Variants in TRPM7 observed in about 807,000 individuals in gnomAD.
The protein encoded by TRPM7 is LTRPC ion channel family member 7.
In TRPM7, 134 loss-of-function variants were observed where a neutral mutation model predicts 229.7. That is an observed-to-expected ratio of 0.58 (90% CI 0.51 to 0.67). The LOEUF is 0.67. Among genes scored for constraint, TRPM7 ranks in the 30% least tolerant of loss-of-function variants. The pLI, the probability that TRPM7 is intolerant of heterozygous loss-of-function variation, is 0.00. For synonymous variants in TRPM7, 699 were observed against 715.2 expected (o/e 0.98, Z 0.36); for missense variants, 1,901 against 2,210.0 (o/e 0.86, Z 2.80).
chr15:50,591,823 T>A (rs2059502577), intron 26 of TRPM7, 88 bp downstream of exon 26: 1 of 959,390 alleles, frequency 1.0e-6, no homozygotes. Context: ...TATGAAAAGA[T>A]AATGACTTGT....
In TRPM7 at chr15:50,628,967, C is replaced by T. The variant is rs547387146; in HGVS notation, c.1205-718G>A. Among the ~76,000 whole-genome samples the T allele has an allele frequency of 5.3e-5, 8 of 152,216 alleles. No individual in the cohort carries two copies. In the East Asian group the frequency reaches 1.5e-3, roughly 29 times the overall value. ...TTGCTTTATGTACCTTGATATCGTA[C>T]CTTGGTTCTTCTTAAAATTATACAT... is the stretch of plus-strand genomic sequence containing the variant. On this transcript the variant is annotated intron_variant, in intron 10 of 38. Transcript: ENST00000646667.
chr15:50,679,528 ATATATATATAT>A (rs1467337308), intron 1 of TRPM7, among the ~76,000 whole-genome samples: 7 of 47,382 alleles, frequency 1.5e-4, no homozygotes, highest in East Asian at 7.9e-4. Context: ...ATATATATAT[ATATATATATAT>A]TTTTTTTTTT....
intron 6 of TRPM7, among the ~76,000 whole-genome samples, chr15:50,639,111 G>A (rs2061009031): frequency 6.6e-6 from 1 of 152,296 alleles, no homozygotes; most frequent in Admixed American, 6.5e-5. Flanking sequence ...CTCATGTCAT[G>A]TAGTCATTAA....
At chr15:50,613,931 GTGTT>G (rs2060139773) in intron 14 of TRPM7, 90 bp from the exon 15 acceptor site, 2 of 1,461,996 alleles carry the variant, frequency 1.4e-6, no homozygotes, top group Admixed American at 2.1e-5. Flanking sequence ...GTGTGCAAAT[GTGTT>G]TGTGTACACA....
Position 50,611,106 on chromosome 15 carries a change from T to G in TRPM7, c.2267A>C (p.Asn756Thr), listed in dbSNP as rs778713779. 1 of 1,612,618 alleles carries G rather than the reference T, an allele frequency of 6.2e-7. No homozygotes were observed. Among genetic ancestry groups the G allele is most frequent in the Non-Finnish European group, 8.5e-7 (1 of 1,178,872 alleles). Residue 756 changes from asparagine to threonine, a missense_variant, in exon 17 of 39, where the codon AAT (asparagine) becomes ACT (threonine). Asn to Thr is a moderately conservative substitution (Grantham distance 65, BLOSUM62 0). Transcript: ENST00000646667. ...MWMGRLNMRK[N>T]SWYKVILSIL... ...TCTAAAGTATACCTTGTACCAGGAATTTTTCCTCATATTCAGCCTTCCCAT... is the reference window on the plus strand; with the variant it reads ...TCTAAAGTATACCTTGTACCAGGAAGTTTTCCTCATATTCAGCCTTCCCAT...
chr15:50,679,518 A>ATGTGTATATATAT (rs1567129229), intron 1 of TRPM7, among the ~76,000 whole-genome samples: 1 of 17,360 alleles, frequency 5.8e-5, no homozygotes, highest in African/African-American at 1.1e-4. Context: ...TATAATATAT[A>ATGTGTATATATAT]TATATATATA....
At chr15:50,585,990 T>A (rs904937778) in intron 28 of TRPM7, among the ~76,000 whole-genome samples, 1 of 147,414 alleles carries the variant, frequency 6.8e-6, no homozygotes, top group Non-Finnish European at 1.5e-5. Flanking sequence ...GGGAACAGAG[T>A]GAGAGAGAAA....
intron 9 of TRPM7, among the ~76,000 whole-genome samples, chr15:50,631,901 T>C (rs890170308): frequency 1.3e-5 from 2 of 152,196 alleles, no homozygotes; most frequent in Non-Finnish European, 2.9e-5. Context: ...AATGTATATA[T>C]TCTTGAAAGA....
chr15:50,653,701 A>G (rs1202911735), intron 3 of TRPM7, among the ~76,000 whole-genome samples: 1 of 152,166 alleles, frequency 6.6e-6, no homozygotes, highest in East Asian at 1.9e-4. Flanking sequence ...TAGGCTGTTG[A>G]AACAGTTGGA....
intron 17 of TRPM7, among the ~76,000 whole-genome samples, chr15:50,610,391 TAAAC>T (rs2060035638): frequency 6.6e-6 from 1 of 152,132 alleles, no homozygotes; most frequent in Non-Finnish European, 1.5e-5. Flanking sequence ...TGTGCCTCTA[TAAAC>T]AAAAAGGTTT....
chr15:50,663,301 T>C (rs1415993883), intron 1 of TRPM7, among the ~76,000 whole-genome samples: 1 of 152,190 alleles, frequency 6.6e-6, no homozygotes, highest in East Asian at 1.9e-4. Context: ...GATAATTTTG[T>C]ATTTTTTTAG....
At chr15:50,638,845 TAA>T (rs2061002847) in intron 6 of TRPM7, among the ~76,000 whole-genome samples, 1 of 151,984 alleles carries the variant, frequency 6.6e-6, no homozygotes, top group Admixed American at 6.6e-5. Flanking sequence ...TACACCCAGT[TAA>T]TTTTTGTATT....
At chr15:50,684,138 G>A (rs901883992) in intron 1 of TRPM7, among the ~76,000 whole-genome samples, 2 of 150,152 alleles carry the variant, frequency 1.3e-5, no homozygotes, top group African/African-American at 4.9e-5. Context: ...GGATTACTGC[G>A]CCCCACCTGA....
chr15:50,599,963 T>A (rs1312414305), intron 21 of TRPM7, among the ~76,000 whole-genome samples: 1 of 152,248 alleles, frequency 6.6e-6, no homozygotes, highest in Admixed American at 6.5e-5. Context: ...AGCTAAAACC[T>A]AGTAATTCAT....
chr15:50,666,543 C>A (rs2061886230), intron 1 of TRPM7, among the ~76,000 whole-genome samples: 1 of 152,032 alleles, frequency 6.6e-6, no homozygotes, highest in Admixed American at 6.6e-5. Context: ...GTGGCTTATA[C>A]CTGTAATCCC....
At chr15:50,666,780 C>T (rs2061893373) in intron 1 of TRPM7, among the ~76,000 whole-genome samples, 2 of 151,566 alleles carry the variant, frequency 1.3e-5, no homozygotes, top group Admixed American at 1.3e-4. Flanking sequence ...CCAGCCTGGG[C>T]AACAAGAGCA....
intron 9 of TRPM7, 72 bp from the exon 10 acceptor site, chr15:50,631,561 T>C: frequency 9.7e-7 from 1 of 1,032,090 alleles, no homozygotes; most frequent in Non-Finnish European, 1.5e-6. Flanking sequence ...ACTCAGTAAT[T>C]TCAAACTATA....
chr15:50,670,058 C>CT (rs1457565293), intron 1 of TRPM7, among the ~76,000 whole-genome samples: 1 of 152,124 alleles, frequency 6.6e-6, no homozygotes, highest in Non-Finnish European at 1.5e-5. Flanking sequence ...TGTCAGAACT[C>CT]TGAGTTATGG....
At chr15:50,561,870 T>A in intron 38 of TRPM7, 62 bp from the exon 39 acceptor site, 1 of 1,432,220 alleles carries the variant, frequency 7.0e-7, no homozygotes, top group South Asian at 1.4e-5. Flanking sequence ...AAAGTTAGTA[T>A]TTCTTAGAAA....
Sources: allele counts gnomAD v4.1 joint callset (sites outside exome capture counted in the v4.1 genomes callset), GRCh38; gene constraint gnomAD v4.1.1; transcripts MANE v1.5; gene names NCBI Gene and HGNC (gene_info 2026-07-23, HGNC 2026-07-21).